Variants in MYOM2 observed in about 807,000 individuals in gnomAD.
MYOM2 encodes the protein myomesin 2, also known as myomesin-2.
MYOM2 carries 254 observed loss-of-function variants against 187.6 expected under a neutral mutation model. That is an observed-to-expected ratio of 1.35 (90% confidence interval 1.22 to 1.50). The LOEUF is 1.50. Ranked by LOEUF, MYOM2 falls within the 40% of genes most tolerant of loss-of-function variation. MYOM2 has a pLI of 0.00. For missense variants in MYOM2, 2,796 were observed against 1,924.0 expected (o/e 1.45, Z -8.48); for synonymous variants, 981 against 753.8 (o/e 1.30, Z -4.94).
chr8:2,092,429 G>A lies in MYOM2; in HGVS notation c.1912G>A (p.Glu638Lys), dbSNP rs756665371. ...VVVQWDRPKH[E>K]EDLLGYYVDC... The stretch of plus-strand genomic sequence containing the variant: ...GGTGCAGTGGGACCGACCTAAGCAT[G>A]AGGAGGACCTGCTGGGCTACTACGT... The change falls in exon 16 of 37, where the codon GAG (glutamate) becomes AAG (lysine). Residue 638 changes from glutamate to lysine, a missense_variant. By Grantham distance (56) the Glu-to-Lys change is moderately conservative. Coordinates refer to ENST00000262113, the MANE Select transcript of MYOM2 (RefSeq NM_003970.4). 4 of 1,614,174 alleles carry A rather than the reference G, an allele frequency of 2.5e-6. No individual in the cohort carries two copies. Among genetic ancestry groups the A allele is most frequent in the South Asian group, 1.1e-5 (1 of 91,080 alleles).
intron 2 of MYOM2, 82 bp from the exon 3 acceptor site, chr8:2,052,076 A>T: frequency 6.4e-7 from 1 of 1,567,634 alleles, no homozygotes; most frequent in Non-Finnish European, 8.7e-7. Context: ...TGGGGTGTGT[A>T]GAGAGAAAGT....
rs147159479 is a variant in MYOM2, at chr8:2,102,491, A to T, written c.2620-176A>T. Among the ~76,000 whole-genome samples the T allele has an allele frequency of 2.0e-3, 287 of 143,530 alleles. 2 individuals carry two copies. Among genetic ancestry groups the T allele is most frequent in the African/African-American group, 6.6e-3 (270 of 40,846 alleles). The allele number at this position is 143,530 out of a possible 152,430, so 94.2% of individuals were successfully genotyped here. A position where few individuals can be genotyped will look rare whatever the true frequency, so the allele number is the denominator to read the frequency against. ...AATGCGTTTATTCCTCCAAAGTCAC[A>T]TTCTGCACCACTGTGAATCTCCTCT... On this transcript the variant is annotated intron_variant, in intron 20 of 36. Coordinates refer to ENST00000262113, the MANE Select transcript of MYOM2 (RefSeq NM_003970.4).
chr8:2,098,091 G>A (rs1563053247), intron 18 of MYOM2: 1 of 152,158 alleles, frequency 6.6e-6, no homozygotes, highest in African/African-American at 2.4e-5. Context: ...TTCTTTACTC[G>A]GTCCGAGATT....
chr8:2,108,915 C>A, intron 24 of MYOM2, 85 bp downstream of exon 24: 1 of 1,357,930 alleles, frequency 7.4e-7, no homozygotes, highest in East Asian at 2.3e-5. Flanking sequence ...CTTGGAAGAA[C>A]AGCTTTGGGG....
At chr8:2,095,308 T>TC (rs1225494859) in intron 17 of MYOM2, among the ~76,000 whole-genome samples, 2 of 151,292 alleles carry the variant, frequency 1.3e-5, no homozygotes, top group African/African-American at 4.9e-5. Flanking sequence ...TTTTTTTTTT[T>TC]CGACGTAGAG....
intron 1 of MYOM2, among the ~76,000 whole-genome samples, chr8:2,050,164 C>T (rs970331282): frequency 3.9e-5 from 6 of 152,152 alleles, no homozygotes; most frequent in East Asian, 1.9e-4. Context: ...TCACACCCAC[C>T]CCTGCAAGTC....
intron 6 of MYOM2, among the ~76,000 whole-genome samples, chr8:2,066,137 C>G (rs547406344): frequency 1.3e-5 from 2 of 152,294 alleles, no homozygotes; most frequent in South Asian, 2.1e-4. Context: ...GGGGACAGCC[C>G]GTGCCCTGGT....
intron 28 of MYOM2, among the ~76,000 whole-genome samples, chr8:2,120,109 T>C (rs906668397): frequency 3.9e-5 from 6 of 152,046 alleles, no homozygotes; most frequent in African/African-American, 1.4e-4. Context: ...TGGAGATAGC[T>C]CGTAGTGGCC....
chr8:2,096,168 C>T (rs1234714863), intron 17 of MYOM2, 79 bp from the exon 18 acceptor site: 1 of 1,433,282 alleles, frequency 7.0e-7, no homozygotes, highest in Non-Finnish European at 9.6e-7. Flanking sequence ...CCTCCCTCTG[C>T]CACACTGGAG....
At chr8:2,132,817 T>C (rs912280965) in intron 32 of MYOM2, among the ~76,000 whole-genome samples, 1 of 152,166 alleles carries the variant, frequency 6.6e-6, no homozygotes, top group South Asian at 2.1e-4. Context: ...AGTCTGACTT[T>C]GTAAATGCTC....
intron 9 of MYOM2, among the ~76,000 whole-genome samples, 161 bp from the exon 10 acceptor site, chr8:2,073,178 G>A (rs1009733377): frequency 2.0e-5 from 3 of 152,240 alleles, no homozygotes; most frequent in Admixed American, 6.5e-5. Context: ...GTGCTTCCAC[G>A]AAGTGCAGCT....
chr8:2,125,240 T>C (rs1797595788), intron 31 of MYOM2, among the ~76,000 whole-genome samples: 1 of 152,220 alleles, frequency 6.6e-6, no homozygotes, highest in African/African-American at 2.4e-5. Flanking sequence ...TTTAAGTCTT[T>C]TATCCAATTT....
intron 16 of MYOM2, among the ~76,000 whole-genome samples, chr8:2,092,852 T>C (rs2116739764): frequency 6.6e-6 from 1 of 152,362 alleles, no homozygotes; most frequent in South Asian, 2.1e-4. Context: ...AGTCGTTTTA[T>C]TTTTTTCGTA....
intron 28 of MYOM2, 49 bp from the exon 29 acceptor site, chr8:2,123,203 C>T (rs375229658): frequency 2.3e-5 from 29 of 1,249,700 alleles, no homozygotes; most frequent in Non-Finnish European, 2.6e-5. Flanking sequence ...TTCTTTTTCT[C>T]ATGAGTCAGA....
intron 34 of MYOM2, 63 bp downstream of exon 34, chr8:2,141,240 C>A: frequency 6.9e-7 from 1 of 1,456,054 alleles, no homozygotes; most frequent in Non-Finnish European, 9.6e-7. Flanking sequence ...GTCGTTTTGG[C>A]TGCATGTGGG....
rs575158909 is a variant in MYOM2, at chr8:2,076,260, G to A, written c.1240G>A (p.Val414Ile). 9.9e-6 allele frequency: 16 copies of A among 1,613,718 alleles called. No homozygotes were observed. The Admixed American group carries it at 1.7e-4, about 17-fold the overall frequency. The change falls in exon 11 of 37, where the codon GTC becomes ATC. Residue 414 changes from valine to isoleucine, a missense_variant. Transcript: ENST00000262113. ...GCCCAACACCACCACTGAGAGCCCC[G>A]TCATGGGCTATTTTGTGGACCGGTG... ...KPPNTTTESPVMGYFVDRCEV... is the reference protein window; with the variant it reads ...KPPNTTTESPIMGYFVDRCEV...
intron 32 of MYOM2, among the ~76,000 whole-genome samples, chr8:2,135,529 A>G (rs1798038600): frequency 6.6e-6 from 1 of 151,890 alleles, no homozygotes; most frequent in African/African-American, 2.4e-5. Context: ...CCCGCCCCTT[A>G]CCTGTCTCCT....
At chr8:2,137,874 A>G (rs1798136143) in intron 32 of MYOM2, among the ~76,000 whole-genome samples, 1 of 152,174 alleles carries the variant, frequency 6.6e-6, no homozygotes, top group Non-Finnish European at 1.5e-5. Context: ...TGATGTCCCT[A>G]CAGTGTGTCA....
intron 8 of MYOM2, among the ~76,000 whole-genome samples, chr8:2,069,858 G>C (rs1191206070): frequency 6.6e-6 from 1 of 152,222 alleles, no homozygotes; most frequent in Non-Finnish European, 1.5e-5. Flanking sequence ...TGGAAAAAAA[G>C]AGACACATCC....
Sources: gnomAD v4.1 joint callset for allele counts (sites outside exome capture counted in the v4.1 genomes callset) on GRCh38, gnomAD v4.1.1 for gene constraint, MANE v1.5 for transcripts, NCBI Gene and HGNC (gene_info 2026-07-23, HGNC 2026-07-21) for gene names.